Variants in NCALD observed in about 807,000 individuals in gnomAD.
NCALD encodes the protein neurocalcin-delta.
A neutral mutation model predicts 18.6 loss-of-function variants in NCALD; 10 were observed. That is an observed-to-expected ratio of 0.54 (90% CI 0.33 to 0.91). The LOEUF (loss-of-function observed/expected upper bound fraction) is 0.91, where lower values mean the gene tolerates loss of function less well. Ranked by LOEUF, NCALD falls within the 40% of genes least tolerant of loss-of-function variation. NCALD has a pLI of 0.03. For missense variants in NCALD, 184 were observed against 247.6 expected, an observed-to-expected ratio of 0.74 and a Z score of 1.72; for synonymous variants, 88 against 87.4, an observed-to-expected ratio of 1.01 and a Z score of -0.04.
At chr8:101,880,532 G>A (rs1032352777) in intron 4 of NCALD, among the ~76,000 whole-genome samples, 2 of 152,234 alleles carry the variant, frequency 1.3e-5, no homozygotes, top group African/African-American at 4.8e-5. Flanking sequence ...CTGAGAGTGA[G>A]TGAGGGCTGT....
At chr8:101,840,490 T>C (rs1226077233) in intron 4 of NCALD, among the ~76,000 whole-genome samples, 1 of 152,206 alleles carries the variant, frequency 6.6e-6, no homozygotes, top group African/African-American at 2.4e-5. Flanking sequence ...ATTACGTATA[T>C]ATAAAAGTAG....
At chr8:102,120,233 C>A (rs1325086371) in intron 1 of NCALD, among the ~76,000 whole-genome samples, 1 of 152,192 alleles carries the variant, frequency 6.6e-6, no homozygotes, top group African/African-American at 2.4e-5. Context: ...TCCAGGGGCT[C>A]ATCTCTTGGT....
At chr8:102,085,822 G>C (rs138118819) in intron 1 of NCALD, among the ~76,000 whole-genome samples, 118 of 151,042 alleles carry the variant, frequency 7.8e-4, no homozygotes, top group African/African-American at 2.4e-3. Context: ...GCAAAAATTA[G>C]CTTGCTTATA....
intron 4 of NCALD, among the ~76,000 whole-genome samples, chr8:101,850,285 T>C (rs1586629946): frequency 6.6e-6 from 1 of 152,154 alleles, no homozygotes; most frequent in Non-Finnish European, 1.5e-5. Context: ...ATGACTCTTG[T>C]GTCAAGGCAA....
intron 1 of NCALD, among the ~76,000 whole-genome samples, chr8:101,783,300 G>T (rs984390427): frequency 9.2e-5 from 14 of 152,176 alleles, no homozygotes; most frequent in African/African-American, 3.4e-4. Flanking sequence ...GAAGGGAAAG[G>T]GATGCCTCTT....
chr8:101,859,540 A>T (rs1170371883), intron 4 of NCALD, among the ~76,000 whole-genome samples: 1 of 152,188 alleles, frequency 6.6e-6, no homozygotes, highest in Admixed American at 6.5e-5. Flanking sequence ...TATATCCATG[A>T]CCAAGAATAG....
chr8:102,099,875 GAC>G (rs1825219289), intron 1 of NCALD, among the ~76,000 whole-genome samples: 2 of 151,776 alleles, frequency 1.3e-5, no homozygotes, highest in South Asian at 2.1e-4. Context: ...AGGAGGCTGA[GAC>G]AGGAGAATCA....
At chr8:101,799,442 G>A (rs992861188) in intron 4 of NCALD, among the ~76,000 whole-genome samples, 4 of 152,152 alleles carry the variant, frequency 2.6e-5, no homozygotes, top group Non-Finnish European at 4.4e-5. Context: ...CCAGAGAAAC[G>A]AAGACACGCT....
At chr8:101,903,330 G>A (rs889711770) in intron 3 of NCALD, among the ~76,000 whole-genome samples, 1 of 151,808 alleles carries the variant, frequency 6.6e-6, no homozygotes, top group African/African-American at 2.4e-5. Context: ...CCGAGTAGCT[G>A]GGACTGCAAG....
At chr8:101,723,598 G>A (rs551424186) in intron 1 of NCALD, among the ~76,000 whole-genome samples, 18 of 151,916 alleles carry the variant, frequency 1.2e-4, no homozygotes, top group Non-Finnish European at 1.9e-4. Context: ...ATAAAAAAAG[G>A]ACTCCAATTT....
intron 4 of NCALD, among the ~76,000 whole-genome samples, chr8:101,822,075 T>C (rs1476643493): frequency 1.3e-5 from 2 of 152,050 alleles, no homozygotes; most frequent in African/African-American, 4.8e-5. Context: ...AAGTATTAAA[T>C]GAAAAATGTG....
At chr8:102,112,471 C>A (rs369206456) in intron 1 of NCALD, among the ~76,000 whole-genome samples, 7 of 151,526 alleles carry the variant, frequency 4.6e-5, no homozygotes, top group African/African-American at 1.7e-4. Flanking sequence ...TTGTTTTAGA[C>A]AAACTGTGAT....
chr8:101,948,723 G>A (rs1291293221), intron 2 of NCALD, among the ~76,000 whole-genome samples: 1 of 152,186 alleles, frequency 6.6e-6, no homozygotes, highest in Non-Finnish European at 1.5e-5. Flanking sequence ...AAATGTGCAT[G>A]GCGGCCATTT....
intron 1 of NCALD, among the ~76,000 whole-genome samples, chr8:102,028,377 G>A (rs1822537548): frequency 6.6e-6 from 1 of 152,184 alleles, no homozygotes; most frequent in South Asian, 2.1e-4. Context: ...AAAAAGGAAT[G>A]CAAATAAATA....
chr8:101,979,409 C>T (rs1452459788), intron 2 of NCALD, among the ~76,000 whole-genome samples: 1 of 152,172 alleles, frequency 6.6e-6, no homozygotes, highest in Non-Finnish European at 1.5e-5. Flanking sequence ...CGTTCCTACT[C>T]TTAGGCAGCT....
intron 1 of NCALD, among the ~76,000 whole-genome samples, chr8:102,108,635 A>G (rs1563624606): frequency 6.6e-6 from 1 of 152,162 alleles, no homozygotes; most frequent in Non-Finnish European, 1.5e-5. Context: ...AACAATACTA[A>G]AGTAATTAGT....
chr8:101,725,885 T>C (rs2130517630), intron 1 of NCALD, among the ~76,000 whole-genome samples: 1 of 150,052 alleles, frequency 6.7e-6, no homozygotes, highest in African/African-American at 2.5e-5. Context: ...TGGAGAAGAG[T>C]AAAGAAGAGA....
intron 1 of NCALD, among the ~76,000 whole-genome samples, chr8:102,076,512 C>T (rs902256979): frequency 1.3e-5 from 2 of 148,610 alleles, no homozygotes; most frequent in African/African-American, 5.2e-5. Flanking sequence ...GGCCATTAAA[C>T]TCAATCATGG....
At chr8:102,036,718 T>G (rs1032647385) in intron 1 of NCALD, among the ~76,000 whole-genome samples, 1 of 152,076 alleles carries the variant, frequency 6.6e-6, no homozygotes, top group East Asian at 1.9e-4. Context: ...GAGGCAGCAG[T>G]GAGCTGAGAT....
Sources: allele counts gnomAD v4.1 joint callset (sites outside exome capture counted in the v4.1 genomes callset), GRCh38; gene constraint gnomAD v4.1.1; transcripts MANE v1.5; gene names NCBI Gene and HGNC (gene_info 2026-07-23, HGNC 2026-07-21).